The following ACACB variants were observed in gnomAD, a reference collection of about 807,000 sequenced individuals.
The protein encoded by ACACB is acetyl-CoA carboxylase beta.
A neutral mutation model predicts 278.8 loss-of-function variants in ACACB; 209 were observed. The ratio of observed to expected loss-of-function variants is 0.75; its 90% confidence interval spans 0.67 to 0.84. The LOEUF (loss-of-function observed/expected upper bound fraction) is 0.84, where lower values mean the gene tolerates loss of function less well. ACACB is among the 40% of genes least tolerant of loss of function. The pLI, the probability that ACACB is intolerant of heterozygous loss-of-function variation, is 0.00. For synonymous variants in ACACB, 1,174 were observed against 1,285.6 expected, an observed-to-expected ratio of 0.91 and a Z score of 1.86; for missense variants, 2,850 against 3,269.0, an observed-to-expected ratio of 0.87 and a Z score of 3.13.
chr12:109,227,553 G>A (rs2046349191), intron 28 of ACACB, 64 bp downstream of exon 28: 2 of 1,490,132 alleles, frequency 1.3e-6, no homozygotes, highest in Admixed American at 1.7e-5. Context: ...CTGTCGTCCT[G>A]TCTCTGGAAG....
intron 3 of ACACB, chr12:109,167,207 A>G (rs950375911): frequency 3.3e-6 from 2 of 599,486 alleles, no homozygotes; most frequent in Non-Finnish European, 5.8e-6. Flanking sequence ...GAAATGAAAT[A>G]AGACAGGTAA....
rs751820616 is a variant in ACACB at position 109,191,960 on chromosome 12, G to C, written c.2399+10G>C. 2.5e-5 allele frequency: 41 copies of C among 1,613,876 alleles called. No individual in the cohort carries two copies. The highest frequency in any genetic ancestry group is 3.3e-5 in the Non-Finnish European group (39 of 1,179,748). On this transcript the variant is annotated intron_variant, in intron 15 of 52. Coordinates refer to ENST00000338432, the MANE Select transcript of ACACB (RefSeq NM_001093.4). Reference sequence around the variant, plus strand: ...TACACTCCCTGGAAAGGTAGGGGCTGTGGCAGTTCCCTTCTGCTTTTGTGA... The same window carrying C: ...TACACTCCCTGGAAAGGTAGGGGCTCTGGCAGTTCCCTTCTGCTTTTGTGA...
At chr12:109,230,635 G>A (rs1593646049) in intron 28 of ACACB, among the ~76,000 whole-genome samples, 2 of 152,232 alleles carry the variant, frequency 1.3e-5, no homozygotes, top group South Asian at 2.1e-4. Flanking sequence ...TCACTATGTG[G>A]CCCAGGTTGG....
At chr12:109,170,864 C>T (rs1305209022) in intron 4 of ACACB, among the ~76,000 whole-genome samples, 1 of 151,600 alleles carries the variant, frequency 6.6e-6, no homozygotes, top group Non-Finnish European at 1.5e-5. Flanking sequence ...TGAGACAGGG[C>T]CTTGCTCTGT....
rs1243548556 is a variant in ACACB at position 109,241,275 on chromosome 12, T to C, written c.5016T>C (p.Ser1672=). ...ACAAAGAAGTGACTGACTCCAGATC[T>C]GGAAATGTAAGGCTGGCCCGCGCCG... ...SLYKEVTDSR[S]GNIMFHSFGN... The change falls in exon 36 of 53, where the codon TCT becomes TCC. Residue 1672 remains serine (S), a synonymous_variant. Transcript: ENST00000338432. 1 of 1,614,102 alleles carries C rather than the reference T, an allele frequency of 6.2e-7. No individual in the cohort carries two copies. Among genetic ancestry groups the C allele is most frequent in the South Asian group, 1.1e-5 (1 of 91,074 alleles).
chr12:109,140,228 T>C lies in ACACB; in HGVS notation c.653+170T>C, dbSNP rs144828411. On this transcript the variant is annotated intron_variant, in intron 2 of 52. Coordinates refer to ENST00000338432, the MANE Select transcript of ACACB (RefSeq NM_001093.4). ...CCTTCTCAGAAGTTTCCTTCCTTCC[T>C]TCCTTCCTTCCTTCCTTCCTTCCTT... Among the ~76,000 whole-genome samples the C allele has an allele frequency of 4.7e-3, 638 of 135,146 alleles. 6 individuals carry two copies. The highest frequency in any genetic ancestry group is 9.8e-3 in the Admixed American group (134 of 13,732). 88.7% of individuals were successfully genotyped at this position (135,146 alleles called of 152,430 possible).
At chr12:109,210,621 G>C (rs1593583804) in intron 21 of ACACB, among the ~76,000 whole-genome samples, 1 of 149,834 alleles carries the variant, frequency 6.7e-6, no homozygotes, top group South Asian at 2.1e-4. Flanking sequence ...TATTTTTTAA[G>C]AATTATACTG....
chr12:109,199,429 G>A lies in ACACB; in HGVS notation c.2655G>A (p.Thr885=), dbSNP rs73398054. The A allele has an allele frequency of 1.5e-3, 2,254 of 1,537,888 alleles. 43 individuals are homozygous for A. The African/African-American group carries it at 0.028, about 19-fold the overall frequency. Residue 885 remains threonine, a synonymous_variant, in exon 18 of 53, where the codon ACG becomes ACA. Transcript: ENST00000338432. ...ACCGAATTACCATCGGCAATAAGAC[G>A]TGTGTGTTTGAGAAGGAGAACGATC... is the stretch of plus-strand genomic sequence containing the variant. ...DSYRITIGNK[T]CVFEKENDPT...
At chr12:109,243,276 C>T (rs1408090193) in intron 37 of ACACB, among the ~76,000 whole-genome samples, 2 of 152,102 alleles carry the variant, frequency 1.3e-5, no homozygotes. Flanking sequence ...GGGTCACTGC[C>T]TTGAGTAATT....
intron 7 of ACACB, among the ~76,000 whole-genome samples, chr12:109,174,548 G>GAAA (rs34161814): frequency 2.3e-5 from 3 of 133,174 alleles, no homozygotes; most frequent in Non-Finnish European, 4.9e-5. Context: ...TATTCTTTGG[G>GAAA]AAAAAAAAAA....
At chr12:109,138,104 A>G (rs1424990910) in intron 1 of ACACB, among the ~76,000 whole-genome samples, 2 of 151,916 alleles carry the variant, frequency 1.3e-5, no homozygotes, top group Non-Finnish European at 1.5e-5. Context: ...GGGCTTCACC[A>G]TGTTGGCCAG....
intron 15 of ACACB, among the ~76,000 whole-genome samples, chr12:109,192,197 A>G (rs2044917634): frequency 6.6e-6 from 1 of 152,182 alleles, no homozygotes; most frequent in South Asian, 2.1e-4. Flanking sequence ...GTACGGATCC[A>G]TGCTGACTTG....
At chr12:109,234,126 G>A in intron 31 of ACACB, 81 bp downstream of exon 31, 1 of 1,199,164 alleles carries the variant, frequency 8.3e-7, no homozygotes, top group Non-Finnish European at 1.2e-6. Flanking sequence ...GGCCCTTGGG[G>A]AGGCAGGCGT....
In ACACB at chr12:109,139,478, A is replaced by G; in HGVS notation, c.73A>G (p.Lys25Glu). The change falls in exon 2 of 53, where the codon AAA becomes GAA. Residue 25 changes from lysine (K) to glutamate (E), a missense_variant. Around this residue, in one of 3 missense-constraint regions of ACACB, gnomAD observed 2,265 missense variants for 2,561.3 expected, o/e 0.88. Coordinates refer to ENST00000338432, the MANE Select transcript of ACACB (RefSeq NM_001093.4). ...LTFSWLKIWG[K>E]MTDSKPITKS... ...CTTTTCCTGGTTAAAAATCTGGGGG[A>G]AAATGACGGACTCCAAGCCGATCAC... The G allele has an allele frequency of 6.2e-7, 1 of 1,614,060 alleles. No individual in the cohort carries two copies. Among genetic ancestry groups the G allele is most frequent in the Non-Finnish European group, 8.5e-7 (1 of 1,179,988 alleles).
intron 11 of ACACB, among the ~76,000 whole-genome samples, chr12:109,181,630 T>C (rs2044474759): frequency 1.3e-5 from 2 of 152,188 alleles, no homozygotes; most frequent in South Asian, 4.1e-4. Flanking sequence ...GGAGTACAGA[T>C]ACTCTTCGAT....
In ACACB at chr12:109,174,548, G is replaced by GAA. The variant is rs34161814; in HGVS notation, c.1216+333_1216+334dup. Among the ~76,000 whole-genome samples, 437 of 133,150 alleles carry GAA rather than the reference G, an allele frequency of 3.3e-3. 5 individuals carry two copies. The highest frequency in any genetic ancestry group is 9.9e-3 in the African/African-American group (360 of 36,334). The allele number at this position is 133,150 out of a possible 152,430, so 87.4% of individuals were successfully genotyped here. On this transcript the variant is annotated intron_variant, in intron 7 of 52. Transcript: ENST00000338432. Reference sequence around the variant, plus strand: ...ACCTTTTTCTGGCCATATTCTTTGGGAAAAAAAAAAAAAAAAGACAGATCT... The same window carrying GAA: ...ACCTTTTTCTGGCCATATTCTTTGGGAAAAAAAAAAAAAAAAAAGACAGATCT...
At chr12:109,188,353 T>TCTTC (rs1446061972) in intron 13 of ACACB, among the ~76,000 whole-genome samples, 191 bp downstream of exon 13, 1 of 145,586 alleles carries the variant, frequency 6.9e-6, no homozygotes, top group Admixed American at 6.9e-5. Flanking sequence ...TGCCTTCCTT[T>TCTTC]CTTCCTTCCT....
rs150967404 is a variant in ACACB, at chr12:109,167,976, C to T, written c.867C>T (p.Asn289=). 5.2e-5 allele frequency: 84 copies of T among 1,613,860 alleles called. 1 individual carries two copies. The highest frequency in any genetic ancestry group is 1.3e-4 in the South Asian group (12 of 91,080). Residue 289 remains asparagine, a synonymous_variant, in exon 4 of 53, where the codon AAC becomes AAT. Coordinates refer to ENST00000338432, the MANE Select transcript of ACACB (RefSeq NM_001093.4). ...IRRWAYEMFR[N]ERAIRFVVMV... ...GGTGGGCCTATGAGATGTTCCGCAA[C>T]GAGCGGGCCATCCGGTTTGTTGTGA...
intron 19 of ACACB, 106 bp from the exon 20 acceptor site, chr12:109,206,604 A>G: frequency 7.3e-7 from 1 of 1,367,318 alleles, no homozygotes; most frequent in Non-Finnish European, 1.0e-6. Context: ...CCTCATCCTC[A>G]CTTGATTACG....
Sources: allele counts gnomAD v4.1 joint callset (sites outside exome capture counted in the v4.1 genomes callset), GRCh38; gene constraint gnomAD v4.1.1; regional missense constraint gnomAD v4.1.1; transcripts MANE v1.5; gene names NCBI Gene and HGNC (gene_info 2026-07-23, HGNC 2026-07-21).